Variants in FAM107B observed in about 807,000 individuals in gnomAD.
FAM107B encodes the protein family with sequence similarity 107 member B.
Under a neutral mutation model 31.5 loss-of-function variants are expected in FAM107B, and 21 were observed. The observed-to-expected ratio is 0.67, with a 90% CI of 0.47 to 0.96. The LOEUF (loss-of-function observed/expected upper bound fraction) is 0.96. Ranked by LOEUF, FAM107B falls within the 40% of genes least tolerant of loss-of-function variation. FAM107B has a pLI of 0.00. For synonymous variants in FAM107B, 157 were observed against 141.5 expected (o/e 1.11, Z -0.78); for missense variants, 452 against 377.1 (o/e 1.20, Z -1.64).
At chr10:14,745,381 C>T (rs954644111) in intron 1 of FAM107B, among the ~76,000 whole-genome samples, 14 of 151,886 alleles carry the variant, frequency 9.2e-5, no homozygotes, top group Admixed American at 2.0e-4. Context: ...TAGTTCTTTT[C>T]GCTGTGATGT....
intron 2 of FAM107B, among the ~76,000 whole-genome samples, chr10:14,615,382 C>T (rs560431916): frequency 2.0e-5 from 3 of 152,222 alleles, no homozygotes; most frequent in South Asian, 2.1e-4. Flanking sequence ...CTGATAGGAA[C>T]GATCTTGTAG....
chr10:14,581,088 G>A (rs1387698795), intron 2 of FAM107B, among the ~76,000 whole-genome samples: 2 of 152,192 alleles, frequency 1.3e-5, no homozygotes, highest in Non-Finnish European at 2.9e-5. Context: ...CTAGCGGCCG[G>A]GCCAGGGGAG....
chr10:14,561,536 G>A (rs2131176907), intron 2 of FAM107B, among the ~76,000 whole-genome samples: 1 of 152,306 alleles, frequency 6.6e-6, no homozygotes, highest in Middle Eastern at 3.4e-3. Context: ...AAGCGGCAGG[G>A]AGGCGGCATG....
At chr10:14,628,621 G>A (rs928080598) in intron 2 of FAM107B, among the ~76,000 whole-genome samples, 3 of 152,200 alleles carry the variant, frequency 2.0e-5, no homozygotes, top group African/African-American at 7.2e-5. Flanking sequence ...CCCAGGCAAG[G>A]TTAGATCCGA....
intron 2 of FAM107B, among the ~76,000 whole-genome samples, chr10:14,638,320 C>T (rs917962857): frequency 1.5e-4 from 23 of 151,050 alleles, no homozygotes; most frequent in African/African-American, 5.4e-4. Context: ...GGATATGTTT[C>T]ATGTTGTAAA....
At chr10:14,749,723 A>G (rs997780823) in intron 1 of FAM107B, among the ~76,000 whole-genome samples, 4 of 152,098 alleles carry the variant, frequency 2.6e-5, no homozygotes, top group African/African-American at 9.7e-5. Flanking sequence ...CATCCCAGGG[A>G]GCAGGGGCAC....
intron 2 of FAM107B, among the ~76,000 whole-genome samples, chr10:14,606,288 T>C (rs116804433): frequency 0.01 from 1,582 of 152,234 alleles, 31 homozygotes; most frequent in African/African-American, 0.036. Flanking sequence ...CTCTCCTCTC[T>C]GAGAATCAGT....
chr10:14,570,394 C>A (rs1461052467), intron 2 of FAM107B, among the ~76,000 whole-genome samples: 1 of 152,066 alleles, frequency 6.6e-6, no homozygotes, highest in Admixed American at 6.5e-5. Flanking sequence ...AATGACTGCC[C>A]AAGAGGAAGG....
chr10:14,763,339 T>G (rs1406221623), intron 1 of FAM107B, among the ~76,000 whole-genome samples: 1 of 152,188 alleles, frequency 6.6e-6, no homozygotes, highest in Non-Finnish European at 1.5e-5. Flanking sequence ...AGGACTCTTT[T>G]GTGCCTGCTT....
At chr10:14,764,678 G>T (rs112492999) in intron 1 of FAM107B, among the ~76,000 whole-genome samples, 23 of 152,312 alleles carry the variant, frequency 1.5e-4, no homozygotes, top group African/African-American at 5.3e-4. Flanking sequence ...CATGTCTGTG[G>T]CTGGAAAAAG....
At chr10:14,755,546 G>A (rs992108462) in intron 1 of FAM107B, among the ~76,000 whole-genome samples, 2 of 151,356 alleles carry the variant, frequency 1.3e-5, no homozygotes, top group African/African-American at 4.9e-5. Context: ...CCCAGGCAAA[G>A]GCTCTGTAGA....
intron 1 of FAM107B, among the ~76,000 whole-genome samples, chr10:14,708,790 G>C (rs1368224298): frequency 6.6e-6 from 1 of 152,080 alleles, no homozygotes; most frequent in Non-Finnish European, 1.5e-5. Context: ...TCAACAATAA[G>C]AAAACAAACA....
At chr10:14,686,111 G>A (rs893079047) in intron 1 of FAM107B, among the ~76,000 whole-genome samples, 2 of 152,088 alleles carry the variant, frequency 1.3e-5, no homozygotes, top group Non-Finnish European at 2.9e-5. Flanking sequence ...ATTTGGGGCC[G>A]GGTTCAGTGA....
intron 2 of FAM107B, among the ~76,000 whole-genome samples, chr10:14,574,643 C>T (rs1851408060): frequency 6.6e-6 from 1 of 152,198 alleles, no homozygotes; most frequent in Non-Finnish European, 1.5e-5. Context: ...GCACACAGAC[C>T]TCTCACAGAT....
intron 1 of FAM107B, among the ~76,000 whole-genome samples, chr10:14,688,079 G>T (rs528733792): frequency 6.6e-6 from 1 of 152,362 alleles, no homozygotes; most frequent in South Asian, 2.1e-4. Context: ...CTAGAAGAAA[G>T]CAGGCAGGAG....
intron 1 of FAM107B, among the ~76,000 whole-genome samples, chr10:14,751,501 T>G (rs75506284): frequency 8.2e-6 from 1 of 122,594 alleles, no homozygotes; most frequent in Non-Finnish European, 1.5e-5. Context: ...TTATATGGGA[T>G]TTTTTTCTTT....
chr10:14,616,940 A>AAG (rs374039725), intron 2 of FAM107B, among the ~76,000 whole-genome samples: 5 of 151,580 alleles, frequency 3.3e-5, no homozygotes, highest in East Asian at 3.9e-4. Context: ...AATAAAATAA[A>AAG]AGAGAGAGAG....
At chr10:14,594,600 C>T (rs1011353492) in intron 2 of FAM107B, among the ~76,000 whole-genome samples, 1 of 151,604 alleles carries the variant, frequency 6.6e-6, no homozygotes, top group African/African-American at 2.4e-5. Flanking sequence ...AAGCCTCAAA[C>T]ACATGGTGAA....
chr10:14,677,903 T>A (rs1488310596), intron 1 of FAM107B, among the ~76,000 whole-genome samples: 2 of 152,186 alleles, frequency 1.3e-5, no homozygotes, highest in Non-Finnish European at 2.9e-5. Flanking sequence ...GGTGTATTGA[T>A]AAAAAGAAGT....
Sources: gnomAD v4.1 joint callset for allele counts (sites outside exome capture counted in the v4.1 genomes callset) on GRCh38, gnomAD v4.1.1 for gene constraint, MANE v1.5 for transcripts, NCBI Gene and HGNC (gene_info 2026-07-23, HGNC 2026-07-21) for gene names.